Variants in NFXL1 observed in about 807,000 individuals in gnomAD.
NFXL1 encodes nuclear transcription factor, X-box binding like 1.
Under a neutral mutation model 123.3 loss-of-function variants are expected in NFXL1, and 66 were observed. The observed-to-expected ratio is 0.54, with a 90% confidence interval of 0.44 to 0.66. NFXL1 has a LOEUF of 0.66. Among genes scored for constraint, NFXL1 ranks in the 30% least tolerant of loss-of-function variants. The pLI is 0.00. For missense variants in NFXL1, 944 were observed against 1,125.6 expected (o/e 0.84, Z 2.31); for synonymous variants, 346 against 360.8 (o/e 0.96, Z 0.46).
At chr4:47,861,869 T>C (rs1246084576) in intron 19 of NFXL1, among the ~76,000 whole-genome samples, 1 of 152,250 alleles carries the variant, frequency 6.6e-6, no homozygotes, top group Non-Finnish European at 1.5e-5. Context: ...ATGTAATGTA[T>C]TGATTCCTGT....
Position 47,886,375 on chromosome 4 carries a change from CTT to C in NFXL1, c.1544-378_1544-377del, listed in dbSNP as rs900593991. Among the ~76,000 whole-genome samples the C allele has an allele frequency of 8.2e-5, 12 of 145,698 alleles. 1 individual carries two copies. The highest frequency in any genetic ancestry group is 2.0e-4 in the African/African-American group (8 of 39,936). On this transcript the variant is annotated intron_variant, in intron 12 of 22. Coordinates refer to ENST00000507489, the MANE Select transcript of NFXL1 (RefSeq NM_001278624.2). Reference sequence around the variant, plus strand: ...TACTTTTTATTTGTAATACTTTTCTCTTTTTTTTTTTGTAACAGGGTCTCAAC... The same window carrying C: ...TACTTTTTATTTGTAATACTTTTCTCTTTTTTTTTGTAACAGGGTCTCAAC...
intron 5 of NFXL1, among the ~76,000 whole-genome samples, chr4:47,902,175 C>T (rs951814467): frequency 1.3e-5 from 2 of 151,706 alleles, no homozygotes; most frequent in African/African-American, 4.8e-5. Flanking sequence ...CAGCAAAACT[C>T]TGTCTCAAAA....
intron 19 of NFXL1, among the ~76,000 whole-genome samples, chr4:47,859,652 C>T (rs1254826312): frequency 6.6e-6 from 1 of 151,846 alleles, no homozygotes; most frequent in African/African-American, 2.4e-5. Context: ...ACCAGCCTAG[C>T]CAACATGGTG....
rs375433933 is a variant in NFXL1 at position 47,904,896 on chromosome 4, G to A, written c.516+341C>T. On this transcript the variant is annotated intron_variant, in intron 4 of 22. Transcript: ENST00000507489. ...TTCTACTTTCTTGAAGATAGGGACCGTATCTTTTTCCAAAAGTAATAAAAT... is the reference window on the plus strand; with the variant it reads ...TTCTACTTTCTTGAAGATAGGGACCATATCTTTTTCCAAAAGTAATAAAAT... 1.6e-4 allele frequency among the ~76,000 whole-genome samples: 17 copies of A among 109,034 alleles called. No homozygotes were observed. In the East Asian group the frequency reaches 3.1e-3, roughly 20 times the overall value. The allele number at this position is 109,034 out of a possible 152,430, so 71.5% of individuals were successfully genotyped here.
chr4:47,914,190 C>A lies in NFXL1; in HGVS notation c.14G>T (p.Trp5Leu). Residue 5 changes from tryptophan to leucine, a missense_variant, in exon 2 of 23, where the codon TGG becomes TTG. Trp to Leu is a moderately conservative substitution (Grantham distance 61, BLOSUM62 -2). Transcript: ENST00000507489. MEAS[W>L]RQVAGGRGRS... ...GCCTCGGCCACCGGCCACCTGGCGC[C>A]AGGAAGCTTCCATCCCTGCAAAGGA... The A allele has an allele frequency of 6.6e-7, 1 of 1,510,372 alleles. No homozygotes were observed. The highest frequency in any genetic ancestry group is 8.9e-7 in the Non-Finnish European group (1 of 1,127,110). The allele number at this position is 1,510,372 out of a possible 1,614,324, so 93.6% of individuals were successfully genotyped here.
At chr4:47,893,448 G>C (rs1429447514) in intron 11 of NFXL1, among the ~76,000 whole-genome samples, 1 of 151,848 alleles carries the variant, frequency 6.6e-6, no homozygotes, top group Non-Finnish European at 1.5e-5. Flanking sequence ...TTAATAACCA[G>C]ACAGAAAAAA....
intron 11 of NFXL1, among the ~76,000 whole-genome samples, chr4:47,891,224 A>G (rs1736753425): frequency 6.7e-6 from 1 of 150,240 alleles, no homozygotes; most frequent in Non-Finnish European, 1.5e-5. Context: ...CCATCCTCAC[A>G]CCTCAGCCTT....
chr4:47,862,109 T>C (rs764006807), intron 19 of NFXL1, among the ~76,000 whole-genome samples: 2 of 152,218 alleles, frequency 1.3e-5, no homozygotes, highest in East Asian at 1.9e-4. Flanking sequence ...CCCTTTCAGA[T>C]TGGCCAAATG....
chr4:47,913,845 C>G (rs1025544376), intron 2 of NFXL1, 124 bp downstream of exon 2: 7 of 619,052 alleles, frequency 1.1e-5, no homozygotes, highest in African/African-American at 1.1e-4. Flanking sequence ...GAAGTGGGCC[C>G]GATAACAAAC....
At chr4:47,868,713 A>C (rs2110055586) in intron 18 of NFXL1, among the ~76,000 whole-genome samples, 1 of 152,348 alleles carries the variant, frequency 6.6e-6, no homozygotes, top group South Asian at 2.1e-4. Context: ...GCTAAACCAA[A>C]GATATTAGTG....
intron 2 of NFXL1, among the ~76,000 whole-genome samples, chr4:47,912,847 G>C (rs1319409279): frequency 3.5e-5 from 5 of 143,690 alleles, no homozygotes; most frequent in Non-Finnish European, 7.6e-5. Flanking sequence ...AAAAACCAAA[G>C]AACAAAAAAC....
chr4:47,898,903 A>C, intron 7 of NFXL1, 46 bp from the exon 8 acceptor site: 2 of 1,602,052 alleles, frequency 1.2e-6, no homozygotes, highest in Non-Finnish European at 8.6e-7. Context: ...AAAGCAATAA[A>C]GATTGCTTTG....
intron 5 of NFXL1, among the ~76,000 whole-genome samples, chr4:47,901,600 G>C (rs975221089): frequency 1.2e-4 from 18 of 152,056 alleles, no homozygotes; most frequent in African/African-American, 4.4e-4. Flanking sequence ...ATGTTAAACA[G>C]TTTCCAAAAA....
Position 47,855,094 on chromosome 4 carries a change from C to T in NFXL1, c.2386G>A (p.Val796Ile), listed in dbSNP as rs1330467052. The part of the protein sequence containing the change: ...GECPFNCNQK[V>I]KLRCPCKRIK... The stretch of plus-strand genomic sequence containing the variant: ...CTTTTACAAGGACATCTAAGTTTTA[C>T]CTTCTGGTTGCAGTTAAAGGGACAT... The change falls in exon 20 of 23, where the codon GTA becomes ATA. Residue 796 changes from valine (V) to isoleucine (I), a missense_variant. Coordinates refer to ENST00000507489, the MANE Select transcript of NFXL1 (RefSeq NM_001278624.2). The T allele has an allele frequency of 3.8e-6, 6 of 1,560,412 alleles. No individual in the cohort carries two copies. The African/African-American group carries it at 8.2e-5, about 21-fold the overall frequency.
chr4:47,911,371 G>C (rs1034945354), intron 2 of NFXL1, among the ~76,000 whole-genome samples: 1 of 152,176 alleles, frequency 6.6e-6, no homozygotes, highest in South Asian at 2.1e-4. Flanking sequence ...TAAGAAGTGA[G>C]GGAACATGTC....
Position 47,899,491 on chromosome 4 carries a change from A to G in NFXL1, c.705T>C (p.Tyr235=). The change falls in exon 6 of 23, where the codon TAT becomes TAC. Residue 235 remains tyrosine (Y), a synonymous_variant. Coordinates refer to ENST00000507489, the MANE Select transcript of NFXL1 (RefSeq NM_001278624.2). ...AAGGTGGATCTTCTACTTTTCCACA[A>G]TAGCAATAGTACCTACTAGGTGTTT... ...RSETPSRYYC[Y]CGKVEDPPLD... 1 of 1,612,888 alleles carries G rather than the reference A, an allele frequency of 6.2e-7. No individual in the cohort carries two copies. Among genetic ancestry groups the G allele is most frequent in the Non-Finnish European group, 8.5e-7 (1 of 1,178,856 alleles).
rs770988855 is a variant in NFXL1, at chr4:47,851,105, C to T, written c.2552G>A (p.Arg851Gln). 45 of 1,610,798 alleles carry T rather than the reference C, an allele frequency of 2.8e-5. No homozygotes were observed. Among genetic ancestry groups the T allele is most frequent in the Non-Finnish European group, 3.6e-5 (42 of 1,177,350 alleles). The change falls in exon 22 of 23, where the codon CGA becomes CAA. Residue 851 changes from arginine (R) to glutamine (Q), a missense_variant. By Grantham distance (43) the Arg-to-Gln change is conservative. This residue lies in a region of NFXL1 where 301 missense variants were observed against 348.0 expected (regional missense o/e 0.86). Coordinates refer to ENST00000507489, the MANE Select transcript of NFXL1 (RefSeq NM_001278624.2). ...ATTTTGTTTGGTTACCTGTTGTCTT[C>T]GTTTTTCTTCTTCAAGAGCAGCTTT... ...EAKAALEEEKRRQQAELEAFE... is the reference protein window; with the variant it reads ...EAKAALEEEKQRQQAELEAFE...
At chr4:47,855,026 A>G (rs976871001) in intron 20 of NFXL1, 33 bp downstream of exon 20, 10 of 986,480 alleles carry the variant, frequency 1.0e-5, no homozygotes, top group Non-Finnish European at 1.4e-5. Flanking sequence ...CAACTTATAT[A>G]GAAAAGTATT....
At chr4:47,851,000 C>G in intron 22 of NFXL1, 95 bp downstream of exon 22, 1 of 887,824 alleles carries the variant, frequency 1.1e-6, no homozygotes, top group Admixed American at 1.9e-5. Context: ...ACAATAGAGA[C>G]TAGACCTTAG....
Sources: gnomAD v4.1 joint callset for allele counts (sites outside exome capture counted in the v4.1 genomes callset) on GRCh38, gnomAD v4.1.1 for gene constraint, gnomAD v4.1.1 regional missense constraint, MANE v1.5 for transcripts, NCBI Gene and HGNC (gene_info 2026-07-23, HGNC 2026-07-21) for gene names.